ESRRG: variants seen among roughly 807,000 people sequenced by gnomAD.
ESRRG encodes the protein estrogen-related receptor gamma.
In ESRRG, 13 loss-of-function variants were observed where a neutral mutation model predicts 44.0. The ratio of observed to expected loss-of-function variants is 0.30; its 90% CI spans 0.19 to 0.47. The LOEUF (loss-of-function observed/expected upper bound fraction) is 0.47, where lower values mean the gene tolerates loss of function less well. Ranked by LOEUF, ESRRG falls within the 20% of genes least tolerant of loss-of-function variation. The pLI, the probability that ESRRG is intolerant of heterozygous loss-of-function variation, is 1.00. For synonymous variants in ESRRG, 215 were observed against 214.6 expected, an observed-to-expected ratio of 1.00 and a Z score of -0.02; for missense variants, 395 against 580.6, an observed-to-expected ratio of 0.68 and a Z score of 3.29.
At position 216,677,327 on chromosome 1, in the gene ESRRG, C is replaced by T. The variant is rs753562164; in HGVS notation, c.221G>A (p.Gly74Asp). 1.2e-6 allele frequency: 2 copies of T among 1,614,136 alleles called. No homozygotes were observed. The highest frequency in any genetic ancestry group is 8.5e-7 in the Non-Finnish European group (1 of 1,180,032). ...ASGSYSSTMNGHQNGLDSPPL... is the reference protein window; with the variant it reads ...ASGSYSSTMNDHQNGLDSPPL... ...TGGCGAGTCAAGTCCGTTCTGATGGCCATTCATGGTTGAACTGTAGCTCCC... is the reference window on the plus strand; with the variant it reads ...TGGCGAGTCAAGTCCGTTCTGATGGTCATTCATGGTTGAACTGTAGCTCCC... Residue 74 changes from glycine (G) to aspartate (D), a missense_variant, in exon 2 of 7, where the codon GGC (glycine) becomes GAC (aspartate). Coordinates refer to ENST00000408911, the MANE Select transcript of ESRRG (RefSeq NM_001438.4).
chr1:217,056,983 T>TA (rs2087242307), intron 1 of ESRRG, among the ~76,000 whole-genome samples: 1 of 152,106 alleles, frequency 6.6e-6, no homozygotes, highest in African/African-American at 2.4e-5. Context: ...GGAGGGGTTT[T>TA]ATCCTCTTTA....
intron 1 of ESRRG, among the ~76,000 whole-genome samples, chr1:217,004,196 G>A (rs1280599472): frequency 1.3e-5 from 2 of 152,126 alleles, no homozygotes; most frequent in Non-Finnish European, 2.9e-5. Context: ...GTTTTCACAA[G>A]TTTTAGAGAG....
chr1:216,616,106 A>T (rs1460966882), intron 3 of ESRRG, among the ~76,000 whole-genome samples: 1 of 152,166 alleles, frequency 6.6e-6, no homozygotes, highest in Non-Finnish European at 1.5e-5. Context: ...CCAGGTCCTA[A>T]GCCCAATGTG....
intron 1 of ESRRG, among the ~76,000 whole-genome samples, chr1:216,956,097 T>G (rs1436527413): frequency 3.9e-5 from 6 of 152,164 alleles, no homozygotes; most frequent in Non-Finnish European, 8.8e-5. Context: ...TTTACAGTCT[T>G]ACATACAAAA....
chr1:216,925,834 C>CA (rs2062484099), intron 2 of ESRRG, among the ~76,000 whole-genome samples: 1 of 152,000 alleles, frequency 6.6e-6, no homozygotes, highest in African/African-American at 2.4e-5. Flanking sequence ...CCTGTAATCC[C>CA]AGCTACTTGG....
chr1:216,688,369 G>C (rs1218223228), intron 1 of ESRRG, among the ~76,000 whole-genome samples: 2 of 152,200 alleles, frequency 1.3e-5, no homozygotes, highest in Non-Finnish European at 2.9e-5. Flanking sequence ...GAGGCAAGCT[G>C]CTGTCGCTTC....
intron 2 of ESRRG, among the ~76,000 whole-genome samples, chr1:216,674,836 C>G (rs1233699332): frequency 6.6e-6 from 1 of 151,920 alleles, no homozygotes; most frequent in Non-Finnish European, 1.5e-5. Flanking sequence ...ATCTCTTGAA[C>G]TTTTGGCCTT....
chr1:217,066,000 T>C (rs2089592450), intron 1 of ESRRG, among the ~76,000 whole-genome samples: 1 of 152,180 alleles, frequency 6.6e-6, no homozygotes, highest in Non-Finnish European at 1.5e-5. Flanking sequence ...GCACAGTCAT[T>C]GTCCCTCCCC....
chr1:216,649,927 T>C (rs2068540755), intron 3 of ESRRG, among the ~76,000 whole-genome samples: 1 of 152,180 alleles, frequency 6.6e-6, no homozygotes, highest in Non-Finnish European at 1.5e-5. Flanking sequence ...TATGTGAGCC[T>C]ATTTGGATTT....
rs143918491 is a variant in ESRRG, at chr1:217,029,376, C to A, written c.-106+60131G>T. Among the ~76,000 whole-genome samples, 178 of 152,244 alleles carry A rather than the reference C, an allele frequency of 1.2e-3. 3 individuals carry two copies. Among genetic ancestry groups the A allele is most frequent in the African/African-American group, 3.9e-3 (162 of 41,544 alleles). ...GGGAAGAAAAACTTGAATGACTCAC[C>A]AGGAAACTGAGCAGGCCCACGGCTG... On this transcript the variant is annotated intron_variant, in intron 1 of 7. Coordinates refer to the ESRRG transcript ENST00000359162.
intron 2 of ESRRG, among the ~76,000 whole-genome samples, chr1:216,908,937 A>G (rs1040994865): frequency 4.6e-5 from 7 of 152,062 alleles, no homozygotes; most frequent in Non-Finnish European, 1.0e-4. Flanking sequence ...TATGGAGTAG[A>G]ATGCAAATTT....
intron 3 of ESRRG, among the ~76,000 whole-genome samples, chr1:216,569,332 G>T (rs1174446481): frequency 6.6e-6 from 1 of 152,112 alleles, no homozygotes; most frequent in Non-Finnish European, 1.5e-5. Context: ...CAAATGCTTG[G>T]ATGTCGAAGG....
intron 2 of ESRRG, among the ~76,000 whole-genome samples, chr1:216,812,080 A>C (rs1031203060): frequency 6.6e-6 from 1 of 152,358 alleles, no homozygotes; most frequent in Non-Finnish European, 1.5e-5. Flanking sequence ...TAGGGAAAAC[A>C]GTAACAGACT....
intron 2 of ESRRG, among the ~76,000 whole-genome samples, chr1:216,796,945 G>A (rs1044305960): frequency 3.3e-5 from 5 of 152,130 alleles, no homozygotes; most frequent in African/African-American, 1.2e-4. Flanking sequence ...AGGCTGGAGT[G>A]CAGTGGTGCG....
intron 1 of ESRRG, among the ~76,000 whole-genome samples, chr1:216,990,950 C>A (rs1004701073): frequency 3.9e-5 from 6 of 152,096 alleles, no homozygotes; most frequent in Admixed American, 3.3e-4. Context: ...CCCCCCAACC[C>A]CACCCCATAT....
At chr1:216,945,571 C>CA in intron 1 of ESRRG, among the ~76,000 whole-genome samples, 1 of 152,242 alleles carries the variant, frequency 6.6e-6, no homozygotes, top group Non-Finnish European at 1.5e-5. Context: ...GTAGATCACA[C>CA]AAAAAGAGGA....
chr1:217,129,554 C>A (rs1205231434), intron 1 of ESRRG, among the ~76,000 whole-genome samples: 6 of 152,100 alleles, frequency 3.9e-5, no homozygotes, highest in African/African-American at 1.4e-4. Flanking sequence ...TGCCTATCAG[C>A]TGATGAATGT....
chr1:216,873,823 C>T (rs1010878943), intron 2 of ESRRG, among the ~76,000 whole-genome samples: 6 of 142,488 alleles, frequency 4.2e-5, no homozygotes, highest in African/African-American at 1.6e-4. Flanking sequence ...ATTGTTAGCA[C>T]TTGGAGCCTG....
intron 2 of ESRRG, among the ~76,000 whole-genome samples, chr1:216,935,383 G>T (rs1284655590): frequency 1.3e-5 from 2 of 152,186 alleles, no homozygotes; most frequent in Non-Finnish European, 2.9e-5. Flanking sequence ...ATTTGCTAGA[G>T]CAGCTCATAA....
Sources: gnomAD v4.1 joint callset for allele counts (sites outside exome capture counted in the v4.1 genomes callset) on GRCh38, gnomAD v4.1.1 for gene constraint, MANE v1.5 for transcripts, NCBI Gene and HGNC (gene_info 2026-07-23, HGNC 2026-07-21) for gene names.